The following RSPH9 variants were observed in gnomAD, a reference collection of about 807,000 sequenced individuals.
The protein encoded by RSPH9 is radial spoke head component 9.
RSPH9 carries 27 observed loss-of-function variants against 27.0 expected under a neutral mutation model. The ratio of observed to expected loss-of-function variants is 1.00; its 90% CI spans 0.74 to 1.38. The LOEUF (loss-of-function observed/expected upper bound fraction) is 1.38. RSPH9 is among the 40% of genes most tolerant of loss of function. RSPH9 has a pLI of 0.00. For synonymous variants in RSPH9, 145 were observed against 147.7 expected, an observed-to-expected ratio of 0.98 and a Z score of 0.13; for missense variants, 347 against 357.4, an observed-to-expected ratio of 0.97 and a Z score of 0.24.
chr6:43,667,957 G>C (rs958072125), intron 4 of RSPH9, among the ~76,000 whole-genome samples: 1 of 152,140 alleles, frequency 6.6e-6, no homozygotes, highest in African/African-American at 2.4e-5. Context: ...GTACGCCCTA[G>C]CCTGAGGTTT....
rs1207751568 is a variant in RSPH9, at chr6:43,671,909, G to A, written c.*960G>A. On this transcript the variant is annotated 3_prime_UTR_variant, in exon 5 of 5. Transcript: ENST00000372163. ...CAGGAGCCCAGCGCGTCAGGTACCT[G>A]TGGAGGGAGAACAAAGAGGTGCCTG... The A allele has an allele frequency of 1.9e-6, 3 of 1,599,796 alleles. No homozygotes were observed. The highest frequency in any genetic ancestry group is 4.5e-5 in the East Asian group (2 of 44,594).
In RSPH9 at chr6:43,671,623, TC is replaced by T; in HGVS notation, c.*678del. The T allele has an allele frequency of 1.0e-6, 1 of 981,292 alleles. No homozygotes were observed. The highest frequency in any genetic ancestry group is 1.5e-6 in the Non-Finnish European group (1 of 646,506). 60.8% of individuals were successfully genotyped at this position (981,292 alleles called of 1,614,324 possible). A position where few individuals can be genotyped will look rare whatever the true frequency, so the allele number is the denominator to read the frequency against. ...AAGGGTACTGAAGTTAGTCCCACTGTCCCCTGTCCATGCATGTTGGAGGGAC... is the reference window on the plus strand; with the variant it reads ...AAGGGTACTGAAGTTAGTCCCACTGTCCCTGTCCATGCATGTTGGAGGGAC... On this transcript the variant is annotated 3_prime_UTR_variant, in exon 5 of 5. Coordinates refer to ENST00000372163, the MANE Select transcript of RSPH9 (RefSeq NM_152732.5).
At chr6:43,670,713 C>T in intron 4 of RSPH9, 76 bp from the exon 5 acceptor site, 1 of 1,413,458 alleles carries the variant, frequency 7.1e-7, no homozygotes, top group Non-Finnish European at 1.0e-6. Flanking sequence ...GCCCAAGGAG[C>T]CAGGGGCCAC....
intron 1 of RSPH9, among the ~76,000 whole-genome samples, chr6:43,647,091 C>T (rs545786549): frequency 2.8e-5 from 4 of 145,322 alleles, no homozygotes; most frequent in African/African-American, 9.8e-5. Context: ...TGGATCACTA[C>T]TGCGCTCCAG....
chr6:43,651,845 A>G (rs56034913), intron 2 of RSPH9, among the ~76,000 whole-genome samples: 21,321 of 151,932 alleles, frequency 0.14, 3,597 homozygotes, highest in African/African-American at 0.41. Context: ...CACCGCACAC[A>G]GTCTGACGTT....
In RSPH9 at chr6:43,666,578, T is replaced by C. The variant is rs575959039; in HGVS notation, c.671-4211T>C. On this transcript the variant is annotated intron_variant, in intron 4 of 4. Coordinates refer to ENST00000372163, the MANE Select transcript of RSPH9 (RefSeq NM_152732.5). ...CCAAAGTGACAAGAGACACCTTGGC[T>C]GAAGAGAGGAGTGGGAGAGCTGTTG... The C allele has an allele frequency of 3.5e-6, 4 of 1,142,670 alleles. No individual in the cohort carries two copies. The South Asian group carries it at 4.2e-5, about 12-fold the overall frequency. The allele number at this position is 1,142,670 out of a possible 1,614,324, so 70.8% of individuals were successfully genotyped here.
At position 43,656,666 on chromosome 6, in the gene RSPH9, G is replaced by T. The variant is rs1374850162; in HGVS notation, c.613G>T (p.Ala205Ser). 1 of 1,614,170 alleles carries T rather than the reference G, an allele frequency of 6.2e-7. No individual in the cohort carries two copies. The highest frequency in any genetic ancestry group is 1.1e-5 in the South Asian group (1 of 91,086). ...ELKNKTLLEKADLDPSLDFMD... is the reference protein window; with the variant it reads ...ELKNKTLLEKSDLDPSLDFMD... ...AAAGAATAAGACCTTGCTTGAGAAG[G>T]CTGACCTGGACCCCTCCCTGGATTT... is the stretch of plus-strand genomic sequence containing the variant. Residue 205 changes from alanine to serine, a missense_variant, in exon 4 of 5, where the codon GCT becomes TCT. Ala to Ser is a moderately conservative substitution (Grantham distance 99). Transcript: ENST00000372163.
intron 2 of RSPH9, among the ~76,000 whole-genome samples, chr6:43,652,341 T>C (rs2127897128): frequency 6.6e-6 from 1 of 151,100 alleles, no homozygotes; most frequent in Admixed American, 6.6e-5. Flanking sequence ...CAGCATGTTA[T>C]ACACATGATT....
At chr6:43,665,143 A>T (rs888456724) in intron 4 of RSPH9, among the ~76,000 whole-genome samples, 7 of 152,196 alleles carry the variant, frequency 4.6e-5, no homozygotes, top group African/African-American at 1.7e-4. Flanking sequence ...CTGTGCAGCA[A>T]GAGGGGTGAA....
chr6:43,664,785 G>A (rs1772982864), intron 4 of RSPH9, among the ~76,000 whole-genome samples: 1 of 152,154 alleles, frequency 6.6e-6, no homozygotes, highest in South Asian at 2.1e-4. Flanking sequence ...GGCATTTCTC[G>A]CCCATCAGAC....
At chr6:43,665,815 CTTTCTTTCT>C (rs1773073741) in intron 4 of RSPH9, among the ~76,000 whole-genome samples, 1 of 151,892 alleles carries the variant, frequency 6.6e-6, no homozygotes, top group South Asian at 2.1e-4. Context: ...TTCTTTCTTT[CTTTCTTTCT>C]TTTTTTTTTA....
At chr6:43,646,887 C>T (rs1264214755) in intron 1 of RSPH9, among the ~76,000 whole-genome samples, 6 of 146,774 alleles carry the variant, frequency 4.1e-5, no homozygotes, top group South Asian at 2.1e-4. Flanking sequence ...ATCTGGGAGG[C>T]GGAGGTTGCA....
At position 43,672,345 on chromosome 6, in the gene RSPH9, A is replaced by C. The variant is rs762082785; in HGVS notation, c.*1396A>C. The C allele has an allele frequency of 2.1e-6, 1 of 472,368 alleles. No individual in the cohort carries two copies. The highest frequency in any genetic ancestry group is 2.3e-5 in the Admixed American group (1 of 42,572). The allele number at this position is 472,368 out of a possible 1,614,324, so 29.3% of individuals were successfully genotyped here. A position where few individuals can be genotyped will look rare whatever the true frequency, so the allele number is the denominator to read the frequency against. On this transcript the variant is annotated 3_prime_UTR_variant, in exon 5 of 5. Coordinates refer to ENST00000372163, the MANE Select transcript of RSPH9 (RefSeq NM_152732.5). ...TACCCCAACCTTCAGGGAACTCCCC[A>C]GGGTACTATAACTGGTATAAGACCC...
At position 43,670,876 on chromosome 6, in the gene RSPH9, C is replaced by T. The variant is rs375971288; in HGVS notation, c.758C>T (p.Pro253Leu). Reference sequence around the variant, plus strand: ...CCGGGCCTCACCTTCTACCATGCTCCCCGCACCAAGAACTATGGCTACGTC... The same window carrying T: ...CCGGGCCTCACCTTCTACCATGCTCTCCGCACCAAGAACTATGGCTACGTC... ...LWPGLTFYHA[P>L]RTKNYGYVYV... is the part of the protein sequence containing the mutation. The change falls in exon 5 of 5, where the codon CCC (proline) becomes CTC (leucine). Residue 253 changes from proline to leucine, a missense_variant. Transcript: ENST00000372163. 1 of 1,614,104 alleles carries T rather than the reference C, an allele frequency of 6.2e-7. No homozygotes were observed. The highest frequency in any genetic ancestry group is 1.3e-5 in the African/African-American group (1 of 74,952).
chr6:43,648,657 G>A (rs940928106), intron 1 of RSPH9, among the ~76,000 whole-genome samples: 2 of 152,162 alleles, frequency 1.3e-5, no homozygotes, highest in African/African-American at 4.8e-5. Context: ...GTTGGGTGGG[G>A]ACTAGTCCAA....
At chr6:43,648,939 G>A (rs1052483257) in intron 1 of RSPH9, among the ~76,000 whole-genome samples, 2 of 152,164 alleles carry the variant, frequency 1.3e-5, no homozygotes, top group Non-Finnish European at 2.9e-5. Flanking sequence ...TTTCTTGGCC[G>A]TTAGGTGTCA....
intron 2 of RSPH9, 40 bp from the exon 3 acceptor site, chr6:43,655,522 A>C: frequency 6.2e-7 from 1 of 1,613,744 alleles, no homozygotes. Flanking sequence ...GTGCCTGGGC[A>C]CAGTGCCCTG....
At chr6:43,659,770 C>T (rs773429208) in intron 4 of RSPH9, among the ~76,000 whole-genome samples, 1 of 151,252 alleles carries the variant, frequency 6.6e-6, no homozygotes, top group South Asian at 2.1e-4. Flanking sequence ...CTCACTCTAT[C>T]GCCCAGGCTG....
At chr6:43,659,086 A>C (rs758821450) in intron 4 of RSPH9, among the ~76,000 whole-genome samples, 16 of 152,214 alleles carry the variant, frequency 1.1e-4, no homozygotes, top group Non-Finnish European at 2.1e-4. Flanking sequence ...TTCTTTGCTC[A>C]TCTGTAAGAA....
Sources: gnomAD v4.1 joint callset for allele counts (sites outside exome capture counted in the v4.1 genomes callset) on GRCh38, gnomAD v4.1.1 for gene constraint, MANE v1.5 for transcripts, NCBI Gene and HGNC (gene_info 2026-07-23, HGNC 2026-07-21) for gene names.